FHIT: variants seen among roughly 807,000 people sequenced by gnomAD.
The protein encoded by FHIT is bis(5'-adenosyl)-triphosphatase.
In FHIT, 19 loss-of-function variants were observed where a neutral mutation model predicts 17.9. The ratio of observed to expected loss-of-function variants is 1.06; its 90% confidence interval spans 0.74 to 1.56. The LOEUF is 1.56. FHIT is among the 40% of genes most tolerant of loss of function. FHIT has a pLI of 0.00. For missense variants in FHIT, 248 were observed against 189.2 expected, an observed-to-expected ratio of 1.31 and a Z score of -1.82; for synonymous variants, 81 against 69.7, an observed-to-expected ratio of 1.16 and a Z score of -0.81.
chr3:60,361,533 A>C (rs527637532), intron 5 of FHIT, among the ~76,000 whole-genome samples: 13 of 152,314 alleles, frequency 8.5e-5, no homozygotes, highest in African/African-American at 2.6e-4. Context: ...CAAGCAAGTA[A>C]ACAAAGGATG....
chr3:60,805,088 A>G (rs1701334808), intron 4 of FHIT, among the ~76,000 whole-genome samples: 1 of 152,226 alleles, frequency 6.6e-6, no homozygotes, highest in South Asian at 2.1e-4. Flanking sequence ...GCTTTATACT[A>G]TGGTTATGCT....
intron 8 of FHIT, among the ~76,000 whole-genome samples, chr3:59,863,214 G>C (rs1363902483): frequency 3.9e-5 from 6 of 152,156 alleles, no homozygotes; most frequent in Admixed American, 3.9e-4. Flanking sequence ...GCCACTCTAC[G>C]ATAAAGTCTT....
At chr3:60,672,203 T>C (rs181171774) in intron 4 of FHIT, among the ~76,000 whole-genome samples, 60 of 152,340 alleles carry the variant, frequency 3.9e-4, no homozygotes, top group African/African-American at 1.4e-3. Flanking sequence ...TTTGTATCTT[T>C]CATGCACGTC....
intron 5 of FHIT, among the ~76,000 whole-genome samples, chr3:60,361,630 T>C (rs536109708): frequency 3.2e-4 from 49 of 152,166 alleles, no homozygotes; most frequent in Middle Eastern, 3.4e-3. Flanking sequence ...GGGGTAGAGA[T>C]TCAAGAATCA....
intron 5 of FHIT, among the ~76,000 whole-genome samples, chr3:60,020,208 A>G (rs1205934352): frequency 3.3e-5 from 5 of 152,234 alleles, no homozygotes; most frequent in African/African-American, 4.8e-5. Context: ...AATAAATTTG[A>G]TAAGTTCAAA....
chr3:60,937,670 T>A (rs1365845320), intron 3 of FHIT, among the ~76,000 whole-genome samples: 38 of 149,974 alleles, frequency 2.5e-4, no homozygotes, highest in East Asian at 8.0e-4. Flanking sequence ...TTCAAGCAAT[T>A]CTCCTGCCTC....
intron 5 of FHIT, among the ~76,000 whole-genome samples, chr3:60,127,442 G>A (rs1000795112): frequency 9.2e-5 from 14 of 151,916 alleles, no homozygotes; most frequent in African/African-American, 3.4e-4. Context: ...TTTCCACCCA[G>A]CCCTGGAAAT....
intron 4 of FHIT, among the ~76,000 whole-genome samples, chr3:60,587,912 G>A (rs1473662627): frequency 6.6e-6 from 1 of 151,880 alleles, no homozygotes; most frequent in African/African-American, 2.4e-5. Flanking sequence ...TCTGTATCAG[G>A]AGGCAAGTCT....
chr3:60,618,109 T>G (rs2039007670), intron 4 of FHIT: 1 of 156,788 alleles, frequency 6.4e-6, no homozygotes, highest in Non-Finnish European at 1.4e-5. Flanking sequence ...TGAAAGCCAG[T>G]CATATAATGT....
At chr3:60,623,516 C>T (rs539431178) in intron 4 of FHIT, among the ~76,000 whole-genome samples, 24 of 152,066 alleles carry the variant, frequency 1.6e-4, no homozygotes, top group Non-Finnish European at 2.9e-4. Context: ...CTGTGCTGGG[C>T]TGTGTTCTGA....
intron 5 of FHIT, among the ~76,000 whole-genome samples, chr3:60,501,624 G>A (rs2034528944): frequency 6.6e-6 from 1 of 152,202 alleles, no homozygotes; most frequent in East Asian, 1.9e-4. Context: ...AATCCTTAGA[G>A]TGAGAAATCA....
chr3:61,040,309 T>C (rs2033445592), intron 3 of FHIT, among the ~76,000 whole-genome samples: 3 of 152,216 alleles, frequency 2.0e-5, no homozygotes, highest in Admixed American at 6.5e-5. Flanking sequence ...TTATTTTGTT[T>C]TTTAAACATT....
rs561112826 is a variant in FHIT at position 60,579,487 on chromosome 3, CTTAG to C, written c.-17-42512_-17-42509del. 4.1e-4 allele frequency among the ~76,000 whole-genome samples: 63 copies of C among 152,194 alleles called. 1 individual carries two copies. The South Asian group carries it at 5.0e-3, about 12-fold the overall frequency. ...ATCATAAAAATAAAGTGTATGTTGA[CTTAG>C]TTAGTGCCCTGGCAAGTTAATATGT... On this transcript the variant is annotated intron_variant, in intron 4 of 9. Transcript: ENST00000492590.
chr3:60,604,481 C>T (rs1000243037), intron 4 of FHIT, among the ~76,000 whole-genome samples: 6 of 152,130 alleles, frequency 3.9e-5, no homozygotes, highest in Non-Finnish European at 5.9e-5. Flanking sequence ...TGCATTTTTG[C>T]CGCAGATAAA....
chr3:60,083,714 A>C (rs1703383066), intron 5 of FHIT, among the ~76,000 whole-genome samples: 1 of 152,212 alleles, frequency 6.6e-6, no homozygotes, highest in South Asian at 2.1e-4. Context: ...CCTCTATTGC[A>C]ACAACTCAAC....
intron 3 of FHIT, among the ~76,000 whole-genome samples, chr3:61,008,940 C>A (rs141089322): frequency 1.1e-3 from 161 of 152,250 alleles, no homozygotes; most frequent in African/African-American, 3.6e-3. Context: ...CTAACCGCCT[C>A]AGTAAATTAA....
chr3:59,757,750 C>G (rs1465515054), intron 8 of FHIT, among the ~76,000 whole-genome samples: 2 of 152,114 alleles, frequency 1.3e-5, no homozygotes, highest in Non-Finnish European at 2.9e-5. Flanking sequence ...AAACAACATA[C>G]AGAAGCAGAG....
chr3:59,997,156 A>G (rs1699547159), intron 7 of FHIT, among the ~76,000 whole-genome samples: 1 of 152,162 alleles, frequency 6.6e-6, no homozygotes, highest in African/African-American at 2.4e-5. Flanking sequence ...TTAAAAGAGA[A>G]CAGTCACCAA....
chr3:60,553,313 G>C, intron 4 of FHIT: 5 of 631,888 alleles, frequency 7.9e-6, no homozygotes, highest in Non-Finnish European at 9.8e-6. Context: ...TAAAGTTGTA[G>C]TTTCTAAGAA....
Sources: allele counts gnomAD v4.1 joint callset (sites outside exome capture counted in the v4.1 genomes callset), GRCh38; gene constraint gnomAD v4.1.1; transcripts MANE v1.5; gene names NCBI Gene and HGNC (gene_info 2026-07-23, HGNC 2026-07-21).